Variants in FYB2 observed in about 807,000 individuals in gnomAD.
FYB2 encodes the protein FYN binding protein 2.
In FYB2, 103 loss-of-function variants were observed where a neutral mutation model predicts 94.1. That is an observed-to-expected ratio of 1.09 (90% CI 0.93 to 1.29). The LOEUF (loss-of-function observed/expected upper bound fraction) is 1.29, where lower values mean the gene tolerates loss of function less well. Among genes scored for constraint, FYB2 ranks in the 50% most tolerant of loss-of-function variants. The pLI, the probability that FYB2 is intolerant of heterozygous loss-of-function variation, is 0.00. For synonymous variants in FYB2, 293 were observed against 287.9 expected (o/e 1.02, Z -0.18); for missense variants, 896 against 841.5 (o/e 1.06, Z -0.80).
At chr1:56,780,403 G>A (rs578146264) in intron 4 of FYB2, among the ~76,000 whole-genome samples, 2 of 151,940 alleles carry the variant, frequency 1.3e-5, no homozygotes, top group Admixed American at 6.6e-5. Flanking sequence ...GATGTGTAGA[G>A]CAAGCCATGA....
At chr1:56,823,930 T>A (rs1333015958), upstream of FYB2, 3 of 152,224 alleles carry the variant, frequency 2.0e-5, no homozygotes, top group South Asian at 4.1e-4. Flanking sequence ...AAGTAAGAAA[T>A]CTTTTCCAAT....
chr1:56,754,670 A>G (rs1645282413), intron 7 of FYB2, among the ~76,000 whole-genome samples: 1 of 152,072 alleles, frequency 6.6e-6, no homozygotes, highest in African/African-American at 2.4e-5. Flanking sequence ...TAGCAGTGAT[A>G]ATATTTTATT....
At chr1:56,809,475 G>A in intron 1 of FYB2, among the ~76,000 whole-genome samples, 1 of 151,682 alleles carries the variant, frequency 6.6e-6, no homozygotes, top group African/African-American at 2.4e-5. Flanking sequence ...AGAAGACACT[G>A]TGAATATTTG....
At chr1:56,805,028 C>G (rs997482834) in intron 1 of FYB2, among the ~76,000 whole-genome samples, 2 of 152,148 alleles carry the variant, frequency 1.3e-5, no homozygotes, top group Non-Finnish European at 2.9e-5. Context: ...ATGTATTCAT[C>G]TTTTGAGATT....
At chr1:56,750,464 G>C (rs562985440) in intron 9 of FYB2, among the ~76,000 whole-genome samples, 1 of 152,016 alleles carries the variant, frequency 6.6e-6, no homozygotes, top group East Asian at 1.9e-4. Flanking sequence ...TGTGTCCCTG[G>C]ATCCAACCAT....
chr1:56,731,232 C>T (rs774715262), intron 15 of FYB2, among the ~76,000 whole-genome samples: 6 of 152,124 alleles, frequency 3.9e-5, no homozygotes, highest in East Asian at 1.9e-4. Flanking sequence ...CAGGAAAGAT[C>T]GCTGGCTTGG....
intron 7 of FYB2, among the ~76,000 whole-genome samples, chr1:56,755,225 A>G (rs1357273606): frequency 6.6e-6 from 1 of 152,120 alleles, no homozygotes; most frequent in Non-Finnish European, 1.5e-5. Context: ...CATTGGCCCT[A>G]CATACAAGGA....
chr1:56,803,484 T>C (rs1397927311), intron 1 of FYB2, among the ~76,000 whole-genome samples: 1 of 152,224 alleles, frequency 6.6e-6, no homozygotes, highest in Non-Finnish European at 1.5e-5. Context: ...GACTGATAGT[T>C]ATTCCCTGGT....
At position 56,792,362 on chromosome 1, in the gene FYB2, T is replaced by G. The variant is rs971942193; in HGVS notation, c.451A>C (p.Ser151Arg). 9 of 1,614,032 alleles carry G rather than the reference T, an allele frequency of 5.6e-6. No individual in the cohort carries two copies. The African/African-American group carries it at 1.2e-4, about 22-fold the overall frequency. ...WNWEKVSSQK[S>R]EMSSALLLAN... ...AGGAGAAGGGCTGAAGACATTTCAC[T>G]TTTCTGAGATGAAACCTTCTCCCAG... is the stretch of plus-strand genomic sequence containing the variant. The change falls in exon 2 of 20, where the codon AGT becomes CGT. Residue 151 changes from serine (S) to arginine (R), a missense_variant. By Grantham distance (110) the Ser-to-Arg change is moderately radical. Coordinates refer to ENST00000343433, the MANE Select transcript of FYB2 (RefSeq NM_001004303.5).
Position 56,758,749 on chromosome 1 carries a change from T to A in FYB2, c.1065A>T (p.Pro355=). The A allele has an allele frequency of 6.3e-7, 1 of 1,597,462 alleles. No individual in the cohort carries two copies. The highest frequency in any genetic ancestry group is 8.5e-7 in the Non-Finnish European group (1 of 1,171,194). Residue 355 remains proline (P), a splice_region_variant and synonymous_variant, in exon 6 of 20, where the codon CCA becomes CCT. Transcript: ENST00000343433. ...NLCTAKEIAD[P]TYEVGIEELQ... ...GTTCTTCAATTCCAACTTCATAAGT[T>A]GCTAAAGTAAACATAAAAAAATTAT...
intron 4 of FYB2, among the ~76,000 whole-genome samples, chr1:56,780,016 T>TTATTTA (rs1645971179): frequency 1.3e-5 from 2 of 152,260 alleles, no homozygotes; most frequent in African/African-American, 4.8e-5. Context: ...AATATTGCCA[T>TTATTTA]TTTATAGGTG....
intron 1 of FYB2, among the ~76,000 whole-genome samples, chr1:56,805,052 A>G (rs1410693594): frequency 6.6e-6 from 1 of 152,150 alleles, no homozygotes; most frequent in East Asian, 1.9e-4. Flanking sequence ...TAGCTGAGTT[A>G]CCAATCCCTC....
intron 1 of FYB2, among the ~76,000 whole-genome samples, chr1:56,811,318 T>C (rs1281199020): frequency 6.6e-6 from 1 of 152,210 alleles, no homozygotes; most frequent in East Asian, 1.9e-4. Context: ...TAAAAGTTTT[T>C]CCTTTCTTGC....
intron 3 of FYB2, among the ~76,000 whole-genome samples, chr1:56,788,293 C>G (rs1646177789): frequency 1.3e-5 from 2 of 152,192 alleles, no homozygotes; most frequent in Admixed American, 1.3e-4. Flanking sequence ...CACAGTAAAA[C>G]AAATGTTAGC....
chr1:56,759,324 A>G (rs775763575), intron 5 of FYB2, among the ~76,000 whole-genome samples: 15 of 152,136 alleles, frequency 9.9e-5, no homozygotes, highest in Non-Finnish European at 2.1e-4. Context: ...TGAGAAATGC[A>G]TCCTTAGGTG....
chr1:56,749,179 C>T (rs1645138959), intron 9 of FYB2, among the ~76,000 whole-genome samples: 3 of 151,436 alleles, frequency 2.0e-5, no homozygotes, highest in African/African-American at 4.8e-5. Context: ...GTTTTTTATC[C>T]TGCTTGAGAA....
intron 4 of FYB2, among the ~76,000 whole-genome samples, chr1:56,772,022 T>C (rs534608435): frequency 1.3e-5 from 2 of 152,238 alleles, no homozygotes; most frequent in South Asian, 4.1e-4. Context: ...TTCATTTTGC[T>C]GAAAAAGAAA....
chr1:56,793,738 G>GAA (rs61663036), intron 1 of FYB2, among the ~76,000 whole-genome samples: 1 of 80,668 alleles, frequency 1.2e-5, no homozygotes, highest in African/African-American at 4.5e-5. Context: ...AACGAAAGTT[G>GAA]AAAAAAAAAA....
intron 17 of FYB2, among the ~76,000 whole-genome samples, chr1:56,723,375 A>C (rs1644524485): frequency 6.6e-6 from 1 of 152,040 alleles, no homozygotes; most frequent in Non-Finnish European, 1.5e-5. Context: ...AGAACAACTT[A>C]GGAGTTTTTC....
Sources: allele counts gnomAD v4.1 joint callset (sites outside exome capture counted in the v4.1 genomes callset), GRCh38; gene constraint gnomAD v4.1.1; transcripts MANE v1.5; gene names NCBI Gene and HGNC (gene_info 2026-07-23, HGNC 2026-07-21).